DNAH7: variants seen among roughly 807,000 people sequenced by gnomAD.
DNAH7 encodes the protein dynein axonemal heavy chain 7, also known as axonemal beta dynein heavy chain 7.
A neutral mutation model predicts 444.6 loss-of-function variants in DNAH7; 397 were observed. That is an observed-to-expected ratio of 0.89 (90% CI 0.82 to 0.97). DNAH7 has a LOEUF of 0.97. DNAH7 is among the 50% of genes least tolerant of loss of function. DNAH7 has a pLI of 0.00. For missense variants in DNAH7, 4,902 were observed against 4,800.8 expected (o/e 1.02, Z -0.62); for synonymous variants, 1,636 against 1,624.4 (o/e 1.01, Z -0.17).
intron 61 of DNAH7, among the ~76,000 whole-genome samples, chr2:195,764,197 T>TA (rs912471002): frequency 7.6e-4 from 112 of 148,248 alleles, no homozygotes; most frequent in South Asian, 6.4e-3. Flanking sequence ...CCTTAATGAT[T>TA]AAAAAAAAAA....
At chr2:195,854,664 T>C (rs1267352129) in intron 45 of DNAH7, among the ~76,000 whole-genome samples, 2 of 152,172 alleles carry the variant, frequency 1.3e-5, no homozygotes, top group African/African-American at 2.4e-5. Flanking sequence ...CAGAAACTAC[T>C]AAGTAAAAAT....
rs1192238423 is a variant in DNAH7 at position 195,771,827 on chromosome 2, T to A, written c.11266A>T (p.Ile3756Phe). ...AAGTTGTTTGGAAGTTTGCCCAAGA[T>A]GTCACTAGCGACCTCATTCACTACT... ...DEVVNEVASD[I>F]LGKLPNNFDI... Residue 3756 changes from isoleucine (I) to phenylalanine (F), a missense_variant, in exon 61 of 65, where the codon ATC becomes TTC. Physicochemically the swap from Ile to Phe is conservative, Grantham distance 21. Coordinates refer to ENST00000312428, the MANE Select transcript of DNAH7 (RefSeq NM_018897.3). 6.2e-7 allele frequency: 1 copy of A among 1,614,194 alleles called. No homozygotes were observed. The highest frequency in any genetic ancestry group is 8.5e-7 in the Non-Finnish European group (1 of 1,180,026).
At chr2:195,740,505 A>G (rs1009663953) in intron 64 of DNAH7, among the ~76,000 whole-genome samples, 4 of 151,746 alleles carry the variant, frequency 2.6e-5, no homozygotes, top group African/African-American at 9.7e-5. Context: ...CCCAGGAGCA[A>G]TGGTTCAGTA....
At chr2:195,808,052 T>C (rs919824358) in intron 53 of DNAH7, among the ~76,000 whole-genome samples, 2 of 152,142 alleles carry the variant, frequency 1.3e-5, no homozygotes, top group Admixed American at 1.3e-4. Context: ...AGCTCTTGCA[T>C]ATTAAACTCA....
chr2:195,763,253 T>G (rs7583284), intron 61 of DNAH7, among the ~76,000 whole-genome samples: 23,506 of 152,090 alleles, frequency 0.15, 2,203 homozygotes, highest in African/African-American at 0.25. Context: ...TTCTAAACTA[T>G]GTTTGTAGTT....
intron 24 of DNAH7, among the ~76,000 whole-genome samples, chr2:195,919,750 G>C (rs1687911703): frequency 6.6e-6 from 1 of 152,164 alleles, no homozygotes; most frequent in Admixed American, 6.6e-5. Context: ...AGAAAGAATT[G>C]AGGACAAAAC....
intron 46 of DNAH7, among the ~76,000 whole-genome samples, chr2:195,846,698 A>G (rs1332585002): frequency 6.6e-6 from 1 of 152,176 alleles, no homozygotes; most frequent in African/African-American, 2.4e-5. Flanking sequence ...TAATCTGGGT[A>G]GGCACCATCT....
intron 47 of DNAH7, among the ~76,000 whole-genome samples, chr2:195,835,058 G>C (rs905737217): frequency 2.0e-5 from 3 of 152,150 alleles, no homozygotes; most frequent in Admixed American, 6.5e-5. Flanking sequence ...TTATTTTCTA[G>C]GGTGTAGTGA....
chr2:195,861,860 G>A lies in DNAH7; in HGVS notation c.7593C>T (p.Ile2531=), dbSNP rs767715628. Reference sequence around the variant, plus strand: ...AAGTGTGGAAGCTTTTACACATGTCGATACAGCCATCTCGTATTTCCTCTG... The same window carrying A: ...AAGTGTGGAAGCTTTTACACATGTCAATACAGCCATCTCGTATTTCCTCTG... ...EMSEEIRDGC[I]DMCKSFHTST... Residue 2531 remains isoleucine, a synonymous_variant, in exon 42 of 65, where the codon ATC becomes ATT. Transcript: ENST00000312428. 7.6e-5 allele frequency: 123 copies of A among 1,613,710 alleles called. No homozygotes were observed. Among genetic ancestry groups the A allele is most frequent in the Admixed American group, 1.2e-4 (7 of 59,972 alleles).
intron 25 of DNAH7, 108 bp downstream of exon 25, chr2:195,909,919 T>C (rs939475596): frequency 8.5e-6 from 10 of 1,183,016 alleles, no homozygotes; most frequent in African/African-American, 3.1e-5. Flanking sequence ...ATTTTTACTT[T>C]TACTTAAGCT....
intron 58 of DNAH7, among the ~76,000 whole-genome samples, chr2:195,782,017 A>ACACACAC (rs71015729): frequency 7.5e-6 from 1 of 134,090 alleles, no homozygotes; most frequent in Admixed American, 7.3e-5. Context: ...ACACACACAC[A>ACACACAC]GACACACCCC....
At chr2:196,009,235 G>A (rs898984891) in intron 10 of DNAH7, among the ~76,000 whole-genome samples, 1 of 152,006 alleles carries the variant, frequency 6.6e-6, no homozygotes, top group Non-Finnish European at 1.5e-5. Flanking sequence ...CAAACTATAC[G>A]GCATGGTGAA....
chr2:195,785,377 A>G (rs1004460548), intron 58 of DNAH7, among the ~76,000 whole-genome samples: 1 of 151,912 alleles, frequency 6.6e-6, no homozygotes, highest in African/African-American at 2.4e-5. Flanking sequence ...TTTTTTTAAG[A>G]CAGGGTCTTG....
rs187141859 is a variant in DNAH7 at position 195,992,835 on chromosome 2, G to A, written c.1354-4606C>T. ...GGACGCCATTCCTGAAGAGTAAAGC[G>A]GGAAATGCCCTGGCATTCTTCTGCT... On this transcript the variant is annotated intron_variant, in intron 12 of 64. Transcript: ENST00000312428. Among the ~76,000 whole-genome samples the A allele has an allele frequency of 2.2e-4, 33 of 152,298 alleles. No homozygotes were observed. In the Middle Eastern group the frequency reaches 0.01, roughly 47 times the overall value.
chr2:195,860,380 G>T (rs185191359), intron 42 of DNAH7, among the ~76,000 whole-genome samples: 1 of 151,968 alleles, frequency 6.6e-6, no homozygotes, highest in African/African-American at 2.4e-5. Flanking sequence ...TTTCCATTAT[G>T]TTAAAGATCA....
chr2:195,763,259 T>C (rs1249974451), intron 61 of DNAH7, among the ~76,000 whole-genome samples: 2 of 152,118 alleles, frequency 1.3e-5, no homozygotes, highest in Non-Finnish European at 1.5e-5. Flanking sequence ...ACTATGTTTG[T>C]AGTTTAAGTG....
At chr2:195,918,142 C>G (rs940592023) in intron 24 of DNAH7, among the ~76,000 whole-genome samples, 2 of 152,050 alleles carry the variant, frequency 1.3e-5, no homozygotes, top group African/African-American at 4.8e-5. Flanking sequence ...GAACAAACAC[C>G]TCACCAAAAG....
intron 2 of DNAH7, among the ~76,000 whole-genome samples, chr2:196,055,955 T>C (rs985703113): frequency 1.3e-5 from 2 of 152,234 alleles, no homozygotes; most frequent in African/African-American, 2.4e-5. Context: ...TAATGTTTTC[T>C]TCTTACATTG....
intron 58 of DNAH7, among the ~76,000 whole-genome samples, chr2:195,783,577 C>T (rs551930596): frequency 4.6e-5 from 7 of 152,244 alleles, no homozygotes; most frequent in Non-Finnish European, 5.9e-5. Context: ...ATTAGATTAA[C>T]GGCCCAACCT....
Sources: allele counts gnomAD v4.1 joint callset (sites outside exome capture counted in the v4.1 genomes callset), GRCh38; gene constraint gnomAD v4.1.1; transcripts MANE v1.5; gene names NCBI Gene and HGNC (gene_info 2026-07-23, HGNC 2026-07-21).